FGF13: variants seen among roughly 807,000 people sequenced by gnomAD.
FGF13 encodes fibroblast growth factor 13.
FGF13 carries 2 observed loss-of-function variants against 19.5 expected under a neutral mutation model. The ratio of observed to expected loss-of-function variants is 0.10; its 90% confidence interval spans 0.04 to 0.32. FGF13 has a LOEUF of 0.32. Among genes scored for constraint, FGF13 ranks in the 10% least tolerant of loss-of-function variants. The probability of loss-of-function intolerance (pLI) is 1.00; values close to 1 mark genes in which losing one functional copy is unlikely to be tolerated. For missense variants in FGF13, 113 were observed against 192.7 expected (o/e 0.59, Z 2.45); for synonymous variants, 72 against 76.9 (o/e 0.94, Z 0.33).
chrX:139,130,910 T>C (rs764256206), intron 1 of FGF13, among the ~76,000 whole-genome samples: 1 of 112,123 alleles, frequency 8.9e-6, no homozygotes, highest in Non-Finnish European at 1.9e-5. Context: ...TTCGTATTAA[T>C]ATGATTATCA....
intron 1 of FGF13, among the ~76,000 whole-genome samples, chrX:138,955,063 CT>C (rs202180678): frequency 0.028 from 3,146 of 112,532 alleles, 121 homozygotes; most frequent in African/African-American, 0.096. Context: ...AGTATAGATC[CT>C]GTGACTATCC....
intron 1 of FGF13, among the ~76,000 whole-genome samples, chrX:139,164,106 TTTA>T (rs1234090758): frequency 9.3e-6 from 1 of 107,017 alleles, no homozygotes; most frequent in Non-Finnish European, 1.9e-5. Flanking sequence ...TTTTTTTTTT[TTTA>T]TTATTATTAT....
chrX:139,120,905 G>C (rs2083672641), intron 1 of FGF13, among the ~76,000 whole-genome samples: 1 of 112,480 alleles, frequency 8.9e-6, no homozygotes, highest in Admixed American at 9.4e-5. Flanking sequence ...GAAGGCAGAG[G>C]AGGCAGAGAA....
chrX:138,627,626 T>TGC lies in FGF13; in HGVS notation c.*5222_*5223dup, dbSNP rs1556025492. 6,196 of 81,825 alleles carry TGC rather than the reference T, an allele frequency of 0.076. 180 individuals are homozygous for TGC. The highest frequency in any genetic ancestry group is 0.11 in the Middle Eastern group (18 of 170). 6.7% of individuals were successfully genotyped at this position (81,825 alleles called of 1,213,427 possible). A position where few individuals can be genotyped will look rare whatever the true frequency, so the allele number is the denominator to read the frequency against. Reference sequence around the variant, plus strand: ...GTGTGTGTGTGTGTGTGTGTGTGTGTGCGCGTGTGTGTGTGTGTGTGTGTG... The same window carrying TGC: ...GTGTGTGTGTGTGTGTGTGTGTGTGTGCGCGCGTGTGTGTGTGTGTGTGTGTG... On this transcript the variant is annotated 3_prime_UTR_variant, in exon 5 of 5. Coordinates refer to ENST00000315930, the MANE Select transcript of FGF13 (RefSeq NM_004114.5).
chrX:139,043,178 C>T (rs1362347154), intron 1 of FGF13, among the ~76,000 whole-genome samples: 1 of 110,879 alleles, frequency 9.0e-6, no homozygotes, highest in East Asian at 2.8e-4. Context: ...GGGGCACATC[C>T]ACTGGGCTAC....
chrX:139,147,667 A>G (rs1168156010), intron 1 of FGF13, among the ~76,000 whole-genome samples: 1 of 111,668 alleles, frequency 9.0e-6, no homozygotes, highest in African/African-American at 3.3e-5. Flanking sequence ...AGTTGTCAAC[A>G]GAGACATGCT....
intron 1 of FGF13, among the ~76,000 whole-genome samples, chrX:139,183,370 G>C (rs146562737): frequency 0.023 from 2,547 of 111,757 alleles, 31 homozygotes; most frequent in South Asian, 0.035. Context: ...AGAGTGAAAT[G>C]ATTTGGATGT....
At position 138,630,469 on chromosome X, in the gene FGF13, C is replaced by G. The variant is rs761616364; in HGVS notation, c.*2381G>C. ...ATTTTTAAAACATGGTACAAAGGAT[C>G]CTGCATCCAAGATAGCTAGGCAGGT... is the stretch of plus-strand genomic sequence containing the variant. On this transcript the variant is annotated 3_prime_UTR_variant, in exon 5 of 5. Coordinates refer to ENST00000315930, the MANE Select transcript of FGF13 (RefSeq NM_004114.5). 9.1e-6 allele frequency: 1 copy of G among 110,184 alleles called. No individual in the cohort carries two copies. The highest frequency in any genetic ancestry group is 3.9e-4 in the South Asian group (1 of 2,544). 9.1% of individuals were successfully genotyped at this position (110,184 alleles called of 1,213,427 possible).
chrX:138,937,550 T>C (rs1004928662), intron 1 of FGF13, among the ~76,000 whole-genome samples: 20 of 112,212 alleles, frequency 1.8e-4, no homozygotes, highest in African/African-American at 6.5e-4. Context: ...ATTTGCTGAA[T>C]GAATATTTGT....
intron 3 of FGF13, among the ~76,000 whole-genome samples, chrX:138,849,290 G>A (rs994649239): frequency 2.3e-4 from 26 of 111,849 alleles, no homozygotes; most frequent in Non-Finnish European, 3.2e-4. Flanking sequence ...CATATGCATT[G>A]TGACTCTCTA....
intron 1 of FGF13, among the ~76,000 whole-genome samples, chrX:138,997,092 G>A (rs1467876001): frequency 8.9e-6 from 1 of 112,165 alleles, no homozygotes; most frequent in Non-Finnish European, 1.9e-5. Flanking sequence ...TGAGGAGCCT[G>A]ACTGTTAGAA....
chrX:139,183,136 C>G (rs990362024), intron 1 of FGF13, among the ~76,000 whole-genome samples: 1 of 112,178 alleles, frequency 8.9e-6, no homozygotes, highest in Non-Finnish European at 1.9e-5. Flanking sequence ...TGGATTCACT[C>G]CCCTGCTCTG....
At position 139,003,204 on chromosome X, in the gene FGF13, G is replaced by A. The variant is rs191885585; in HGVS notation, c.-112-138554C>T. 4.1e-3 allele frequency among the ~76,000 whole-genome samples: 449 copies of A among 110,252 alleles called. 1 individual carries two copies. Among genetic ancestry groups the A allele is most frequent in the African/African-American group, 0.014 (417 of 30,168 alleles). ...TTCCTTCTGGTGGGTTCGTGGTCTC[G>A]CTGGCTCAGGAGTGAAGCTGCAGAC... On this transcript the variant is annotated intron_variant, in intron 1 of 2. Coordinates refer to the FGF13 transcript ENST00000421460.
intron 3 of FGF13, among the ~76,000 whole-genome samples, chrX:138,773,073 A>T (rs1330310436): frequency 2.7e-5 from 3 of 110,803 alleles, no homozygotes; most frequent in Non-Finnish European, 5.7e-5. Context: ...TAATATATTT[A>T]AAAATGCCCT....
chrX:138,995,162 T>G (rs1258369844), intron 1 of FGF13, among the ~76,000 whole-genome samples: 1 of 111,147 alleles, frequency 9.0e-6, no homozygotes, highest in African/African-American at 3.3e-5. Context: ...ATCTGTGCAC[T>G]TGGGAGAGGA....
At position 138,952,635 on chromosome X, in the gene FGF13, C is replaced by T. The variant is rs763087160; in HGVS notation, c.-112-87985G>A. On this transcript the variant is annotated intron_variant, in intron 1 of 2. Transcript: ENST00000421460. Reference sequence around the variant, plus strand: ...CAAAAGAAACTACCATCAGAGTGAACAGGCAACCTACAGAATGGGAGAAAA... The same window carrying T: ...CAAAAGAAACTACCATCAGAGTGAATAGGCAACCTACAGAATGGGAGAAAA... 2.1e-4 allele frequency among the ~76,000 whole-genome samples: 23 copies of T among 111,368 alleles called. No individual in the cohort carries two copies. In the East Asian group the frequency reaches 6.0e-3, roughly 29 times the overall value.
rs1484263550 is a variant in FGF13 at position 138,615,220 on chromosome X, G to A, written c.*17630C>T. 1 of 111,332 alleles carries A rather than the reference G, an allele frequency of 9.0e-6. No individual in the cohort carries two copies. The highest frequency in any genetic ancestry group is 3.3e-5 in the African/African-American group (1 of 30,577). 9.2% of individuals were successfully genotyped at this position (111,332 alleles called of 1,213,427 possible). Reference sequence around the variant, plus strand: ...ATACAAATTAGTGTATGTAAAACTAGAGAAGTCTGAGTAATGTCTGTGGAT... The same window carrying A: ...ATACAAATTAGTGTATGTAAAACTAAAGAAGTCTGAGTAATGTCTGTGGAT... On this transcript the variant is annotated 3_prime_UTR_variant, in exon 5 of 5. Transcript: ENST00000315930.
rs1491206462 is a variant in FGF13, at chrX:138,983,415, T to TATATATATATAC, written c.-112-118766_-112-118765insGTATATATATAT. On this transcript the variant is annotated intron_variant, in intron 1 of 2. Coordinates refer to the FGF13 transcript ENST00000421460. Reference sequence around the variant, plus strand: ...ACCCTTATCAAAGATAAGTTGATCTTATATATATATATATATATGAGTTTA... The same window carrying TATATATATATAC: ...ACCCTTATCAAAGATAAGTTGATCTTATATATATATACATATATATATATATATATGAGTTTA... Among the ~76,000 whole-genome samples, 8 of 5,098 alleles carry TATATATATATAC rather than the reference T, an allele frequency of 1.6e-3. No homozygotes were observed. In the South Asian group the frequency reaches 0.022, roughly 14 times the overall value. The allele number at this position is 5,098 out of a possible 115,157, so 4.4% of individuals were successfully genotyped here.
chrX:138,672,213 A>C (rs1285883554), intron 3 of FGF13, among the ~76,000 whole-genome samples: 2 of 111,361 alleles, frequency 1.8e-5, no homozygotes, highest in African/African-American at 6.5e-5. Flanking sequence ...CCATTGGAGA[A>C]ATCTGAACAG....
Sources: gnomAD v4.1 joint callset for allele counts (sites outside exome capture counted in the v4.1 genomes callset) on GRCh38, gnomAD v4.1.1 for gene constraint, MANE v1.5 for transcripts, NCBI Gene and HGNC (gene_info 2026-07-23, HGNC 2026-07-21) for gene names.